The following UBE2J1 variants were observed in gnomAD, a reference collection of about 807,000 sequenced individuals.
The protein encoded by UBE2J1 is ubiquitin-conjugating enzyme E2 J1.
UBE2J1 carries 17 observed loss-of-function variants against 42.1 expected under a neutral mutation model. The observed-to-expected ratio is 0.40, with a 90% CI of 0.28 to 0.61. UBE2J1 has a LOEUF of 0.61. Among genes scored for constraint, UBE2J1 ranks in the 20% least tolerant of loss-of-function variants. UBE2J1 has a pLI of 0.38. For missense variants in UBE2J1, 291 were observed against 389.4 expected, an observed-to-expected ratio of 0.75 and a Z score of 2.13; for synonymous variants, 127 against 137.2, an observed-to-expected ratio of 0.93 and a Z score of 0.52.
At position 89,333,218 on chromosome 6, in the gene UBE2J1, T is replaced by G; in HGVS notation, c.559-13A>C. ...AATTGACTTCTGCCTATAAACAAGA[T>G]AGACCCAAGAGCAGTGTGACAACAG... On this transcript the variant is annotated splice_polypyrimidine_tract_variant and intron_variant, in intron 6 of 7. Coordinates refer to ENST00000435041, the MANE Select transcript of UBE2J1 (RefSeq NM_016021.3). The G allele has an allele frequency of 6.2e-7, 1 of 1,604,832 alleles. No homozygotes were observed. Among genetic ancestry groups the G allele is most frequent in the South Asian group, 1.1e-5 (1 of 89,268 alleles).
At position 89,343,724 on chromosome 6, in the gene UBE2J1, A is replaced by G. The variant is rs1467084299; in HGVS notation, c.64T>C (p.Leu22=). The part of the protein sequence containing the change: ...VKRLMKEAAE[L]KDPTDHYHAQ... Reference sequence around the variant, plus strand: ...TGGTAATGATCTGTTGGATCTTTCAATTCTGCCGCTTCTTTCATTAAACGT... The same window carrying G: ...TGGTAATGATCTGTTGGATCTTTCAGTTCTGCCGCTTCTTTCATTAAACGT... The change falls in exon 2 of 8, where the codon TTG becomes CTG. Residue 22 remains leucine, a synonymous_variant. Transcript: ENST00000435041. 3.7e-6 allele frequency: 6 copies of G among 1,610,154 alleles called. No individual in the cohort carries two copies. The highest frequency in any genetic ancestry group is 5.1e-6 in the Non-Finnish European group (6 of 1,178,270).
intron 7 of UBE2J1, among the ~76,000 whole-genome samples, chr6:89,331,845 A>G (rs1183372005): frequency 6.6e-6 from 1 of 152,132 alleles, no homozygotes; most frequent in Non-Finnish European, 1.5e-5. Context: ...AAACTATGAA[A>G]TAAAAAGTAA....
rs748531360 is a variant in UBE2J1 at position 89,338,154 on chromosome 6, A to T, written c.428+51T>A. On this transcript the variant is annotated intron_variant, in intron 5 of 7. Transcript: ENST00000435041. Reference sequence around the variant, plus strand: ...AGGTAGGCCCTACCTCCTAATAGCCATTACCCTGAATACTATTCAGACCTC... The same window carrying T: ...AGGTAGGCCCTACCTCCTAATAGCCTTTACCCTGAATACTATTCAGACCTC... 5.2e-6 allele frequency: 7 copies of T among 1,346,594 alleles called. 1 individual carries two copies. The Middle Eastern group carries it at 7.3e-4, about 140-fold the overall frequency. The allele number at this position is 1,346,594 out of a possible 1,614,324, so 83.4% of individuals were successfully genotyped here.
chr6:89,352,719 G>A lies in UBE2J1; in HGVS notation c.-150C>T. ...CCCAGTCCAGCCTGGACTGCGGGCGGGGTGGCAAGGCTGAGTGCGGGCGAG... is the reference window on the plus strand; with the variant it reads ...CCCAGTCCAGCCTGGACTGCGGGCGAGGTGGCAAGGCTGAGTGCGGGCGAG... On this transcript the variant is annotated 5_prime_UTR_variant, in exon 1 of 8. Coordinates refer to ENST00000435041, the MANE Select transcript of UBE2J1 (RefSeq NM_016021.3). 1.2e-6 allele frequency: 1 copy of A among 844,220 alleles called. No individual in the cohort carries two copies. Among genetic ancestry groups the A allele is most frequent in the Non-Finnish European group, 1.7e-6 (1 of 602,108 alleles). The allele number at this position is 844,220 out of a possible 1,614,324, so 52.3% of individuals were successfully genotyped here. A position where few individuals can be genotyped will look rare whatever the true frequency, so the allele number is the denominator to read the frequency against.
Position 89,329,469 on chromosome 6 carries a change from G to A in UBE2J1, c.*210C>T, listed in dbSNP as rs1767961942. The stretch of plus-strand genomic sequence containing the variant: ...CAAAGCAGATCAAATAGTGAGACAA[G>A]GAACTTTGACTTCTAGTCCCTTTAA... On this transcript the variant is annotated 3_prime_UTR_variant, in exon 8 of 8. Transcript: ENST00000435041. 1 of 556,854 alleles carries A rather than the reference G, an allele frequency of 1.8e-6. No homozygotes were observed. Among genetic ancestry groups the A allele is most frequent in the Non-Finnish European group, 3.1e-6 (1 of 322,612 alleles). 34.5% of individuals were successfully genotyped at this position (556,854 alleles called of 1,614,324 possible).
At position 89,328,161 on chromosome 6, in the gene UBE2J1, A is replaced by G. The variant is rs962128578; in HGVS notation, c.*1518T>C. 6.6e-6 allele frequency: 1 copy of G among 152,234 alleles called. No individual in the cohort carries two copies. The highest frequency in any genetic ancestry group is 1.5e-5 in the Non-Finnish European group (1 of 68,040). The allele number at this position is 152,234 out of a possible 1,614,324, so 9.4% of individuals were successfully genotyped here. A position where few individuals can be genotyped will look rare whatever the true frequency, so the allele number is the denominator to read the frequency against. On this transcript the variant is annotated 3_prime_UTR_variant, in exon 8 of 8. Coordinates refer to ENST00000435041, the MANE Select transcript of UBE2J1 (RefSeq NM_016021.3). ...GTTCTTATTTTAGATGTAGAAATAA[A>G]GGAAAACTGGCTCTCAGATGAAAAC... is the stretch of plus-strand genomic sequence containing the variant.
chr6:89,342,566 T>C (rs1317702500), intron 2 of UBE2J1, 111 bp from the exon 3 acceptor site: 1 of 1,017,772 alleles, frequency 9.8e-7, no homozygotes, highest in Admixed American at 3.2e-5. Flanking sequence ...TTTATATTAT[T>C]GCTAGTATAG....
chr6:89,352,006 T>A (rs1217608042), intron 1 of UBE2J1, among the ~76,000 whole-genome samples: 1 of 152,234 alleles, frequency 6.6e-6, no homozygotes, highest in Non-Finnish European at 1.5e-5. Context: ...GTTGTTGTTT[T>A]GTTTTGCTTT....
chr6:89,340,462 A>G (rs1768223253), intron 3 of UBE2J1, among the ~76,000 whole-genome samples: 1 of 152,198 alleles, frequency 6.6e-6, no homozygotes. Context: ...GACACAGTAG[A>G]GTGTCTCCAG....
rs1768306952 is a variant in UBE2J1, at chr6:89,343,842, T to C, written c.32-86A>G. Reference sequence around the variant, plus strand: ...GTCTTACGAGCCTAATGAAAAAATGTGTAGAGAACTAGTGCAAATGAGCAT... The same window carrying C: ...GTCTTACGAGCCTAATGAAAAAATGCGTAGAGAACTAGTGCAAATGAGCAT... On this transcript the variant is annotated intron_variant, in intron 1 of 7. Coordinates refer to ENST00000435041, the MANE Select transcript of UBE2J1 (RefSeq NM_016021.3). The C allele has an allele frequency of 3.9e-6, 4 of 1,020,016 alleles. No individual in the cohort carries two copies. The African/African-American group carries it at 6.5e-5, about 17-fold the overall frequency. 63.2% of individuals were successfully genotyped at this position (1,020,016 alleles called of 1,614,324 possible).
At chr6:89,351,067 CTCTTTT>C (rs1562426993) in intron 1 of UBE2J1, among the ~76,000 whole-genome samples, 6 of 97,864 alleles carry the variant, frequency 6.1e-5, no homozygotes, top group African/African-American at 2.4e-4. Context: ...CCCCGGGATT[CTCTTTT>C]TTTTTTTTTT....
intron 5 of UBE2J1, 99 bp downstream of exon 5, chr6:89,338,106 C>G: frequency 6.7e-6 from 5 of 750,720 alleles, no homozygotes; most frequent in Non-Finnish European, 1.1e-5. Flanking sequence ...TACAGTCACT[C>G]AGAAAATAAG....
At chr6:89,347,187 T>A (rs1768380492) in intron 1 of UBE2J1, among the ~76,000 whole-genome samples, 1 of 152,164 alleles carries the variant, frequency 6.6e-6, no homozygotes, top group Admixed American at 6.5e-5. Flanking sequence ...TGTCCTTCCA[T>A]TTCACTCCTG....
chr6:89,329,828 C>G lies in UBE2J1; in HGVS notation c.808G>C (p.Asp270His), dbSNP rs771932435. 2.5e-6 allele frequency: 4 copies of G among 1,613,992 alleles called. No homozygotes were observed. The highest frequency in any genetic ancestry group is 2.7e-5 in the African/African-American group (2 of 74,914). The change falls in exon 8 of 8, where the codon GAT (aspartate) becomes CAT (histidine). Residue 270 changes from aspartate (D) to histidine (H), a missense_variant. This residue lies in a region of UBE2J1 where 176 missense variants were observed against 196.3 expected (regional missense o/e 0.90). Coordinates refer to ENST00000435041, the MANE Select transcript of UBE2J1 (RefSeq NM_016021.3). Reference sequence around the variant, plus strand: ...CTTGGCTGGTGGCCCTGGATTACATCTGGTGAAGTAGACAACCTTCTCTGA... The same window carrying G: ...CTTGGCTGGTGGCCCTGGATTACATGTGGTGAAGTAGACAACCTTCTCTGA... ...QSQRRLSTSPDVIQGHQPRDN... is the reference protein window; with the variant it reads ...QSQRRLSTSPHVIQGHQPRDN...
intron 1 of UBE2J1, among the ~76,000 whole-genome samples, chr6:89,349,896 C>T (rs1424286612): frequency 6.6e-6 from 1 of 152,170 alleles, no homozygotes; most frequent in Admixed American, 6.5e-5. Context: ...GTGCTTTATA[C>T]ACATTTCTTC....
rs1410304176 is a variant in UBE2J1, at chr6:89,328,327, C to T, written c.*1352G>A. 6.6e-6 allele frequency: 1 copy of T among 152,168 alleles called. No individual in the cohort carries two copies. Among genetic ancestry groups the T allele is most frequent in the Non-Finnish European group, 1.5e-5 (1 of 68,022 alleles). 9.4% of individuals were successfully genotyped at this position (152,168 alleles called of 1,614,324 possible). On this transcript the variant is annotated 3_prime_UTR_variant, in exon 8 of 8. Transcript: ENST00000435041. ...AAACCACATAAGGACTTTATGAATA[C>T]CCTCCCCTATACTATTCAAGATATA...
intron 2 of UBE2J1, 151 bp from the exon 3 acceptor site, chr6:89,342,606 TAA>T (rs1363480908): frequency 6.1e-6 from 4 of 650,862 alleles, no homozygotes; most frequent in East Asian, 6.6e-5. Flanking sequence ...CTCGAGACTA[TAA>T]GTGATAAATT....
Position 89,338,534 on chromosome 6 carries a change from G to T in UBE2J1, c.247C>A (p.Arg83=). ...PSIILLTANG[R]FEVGKKICLS... is the part of the protein sequence containing the mutation. Reference sequence around the variant, plus strand: ...CAGATTTTCTTGCCCACTTCAAATCGACCATTAGCCTGAGGAATAAACAAT... The same window carrying T: ...CAGATTTTCTTGCCCACTTCAAATCTACCATTAGCCTGAGGAATAAACAAT... Residue 83 remains arginine (R), a synonymous_variant, in exon 4 of 8, where the codon CGA becomes AGA. Transcript: ENST00000435041. 1.3e-6 allele frequency: 2 copies of T among 1,580,622 alleles called. No individual in the cohort carries two copies. The highest frequency in any genetic ancestry group is 2.4e-5 in the South Asian group (2 of 84,220).
chr6:89,332,476 G>C (rs1768028023), intron 7 of UBE2J1, among the ~76,000 whole-genome samples: 1 of 152,120 alleles, frequency 6.6e-6, no homozygotes, highest in Non-Finnish European at 1.5e-5. Flanking sequence ...GTATATACGA[G>C]GTAGCATTGT....
Sources: allele counts gnomAD v4.1 joint callset (sites outside exome capture counted in the v4.1 genomes callset), GRCh38; gene constraint gnomAD v4.1.1; regional missense constraint gnomAD v4.1.1; transcripts MANE v1.5; gene names NCBI Gene and HGNC (gene_info 2026-07-23, HGNC 2026-07-21).